PARD3: variants seen among roughly 807,000 people sequenced by gnomAD.
The protein encoded by PARD3 is partitioning defective 3 homolog.
A neutral mutation model predicts 155.4 loss-of-function variants in PARD3; 75 were observed. That is an observed-to-expected ratio of 0.48 (90% CI 0.40 to 0.58). The LOEUF (loss-of-function observed/expected upper bound fraction) is 0.58. Ranked by LOEUF, PARD3 falls within the 20% of genes least tolerant of loss-of-function variation. The probability of loss-of-function intolerance (pLI) is 0.00; values close to 1 mark genes in which losing one functional copy is unlikely to be tolerated. For synonymous variants in PARD3, 576 were observed against 610.5 expected (o/e 0.94, Z 0.83); for missense variants, 1,642 against 1,721.7 (o/e 0.95, Z 0.82).
At chr10:34,665,956 A>G (rs968060094) in intron 2 of PARD3, among the ~76,000 whole-genome samples, 3 of 151,594 alleles carry the variant, frequency 2.0e-5, no homozygotes, top group Non-Finnish European at 2.9e-5. Context: ...GTTCACACCT[A>G]TAATTCTAGC....
intron 20 of PARD3, among the ~76,000 whole-genome samples, chr10:34,296,419 C>G (rs549777796): frequency 2.3e-4 from 35 of 152,260 alleles, no homozygotes; most frequent in Non-Finnish European, 3.2e-4. Context: ...TTTGTAGAGA[C>G]AAGGTCTTGC....
chr10:34,450,326 T>C lies in PARD3; in HGVS notation c.705A>G (p.Lys235=), dbSNP rs137940178. The part of the protein sequence containing the change: ...SHPMVGKWLE[K]QEQDEDGTEE... Reference sequence around the variant, plus strand: ...GGATTTGTCATGTTACCTGTTCTTGTTTCTCCAGCCACTTGCCCACCATTG... The same window carrying C: ...GGATTTGTCATGTTACCTGTTCTTGCTTCTCCAGCCACTTGCCCACCATTG... The change falls in exon 5 of 25, where the codon AAA becomes AAG. Residue 235 remains lysine, a synonymous_variant. Coordinates refer to ENST00000374788, the MANE Select transcript of PARD3 (RefSeq NM_001184785.2). 488 of 1,613,426 alleles carry C rather than the reference T, an allele frequency of 3.0e-4. 1 individual carries two copies. The African/African-American group carries it at 4.7e-3, about 15-fold the overall frequency.
intron 3 of PARD3, among the ~76,000 whole-genome samples, chr10:34,470,712 T>C (rs1016466012): frequency 1.3e-5 from 2 of 152,218 alleles, no homozygotes; most frequent in Admixed American, 6.5e-5. Flanking sequence ...TACCCCAATA[T>C]TTCTAAATAA....
chr10:34,733,136 A>T (rs1338402485), intron 1 of PARD3, among the ~76,000 whole-genome samples: 1 of 152,192 alleles, frequency 6.6e-6, no homozygotes, highest in Admixed American at 6.5e-5. Context: ...AAGTCTCACT[A>T]CTACAATGAA....
chr10:34,382,051 A>G (rs1841917574), intron 9 of PARD3, among the ~76,000 whole-genome samples: 1 of 152,100 alleles, frequency 6.6e-6, no homozygotes, highest in South Asian at 2.1e-4. Flanking sequence ...TCAGCAACCT[A>G]CTATAAACTC....
At chr10:34,209,764 T>C (rs1195295254) in intron 22 of PARD3, among the ~76,000 whole-genome samples, 2 of 152,168 alleles carry the variant, frequency 1.3e-5, no homozygotes, top group African/African-American at 2.4e-5. Flanking sequence ...AATGAGAAAA[T>C]GCATGCAAAT....
At chr10:34,793,794 A>G (rs1017274108) in intron 1 of PARD3, among the ~76,000 whole-genome samples, 1 of 139,270 alleles carries the variant, frequency 7.2e-6, no homozygotes, top group Admixed American at 7.1e-5. Context: ...AAAAAAAAAA[A>G]TTTTACTCTG....
At chr10:34,472,745 A>C (rs950696606) in intron 3 of PARD3, among the ~76,000 whole-genome samples, 4 of 152,226 alleles carry the variant, frequency 2.6e-5, no homozygotes, top group Admixed American at 2.6e-4. Context: ...CAATATCTAT[A>C]GTAAAATAAT....
intron 2 of PARD3, among the ~76,000 whole-genome samples, chr10:34,573,725 AAACAAACAAAAACACACACACACAC>A (rs1361954607): frequency 1.8e-5 from 2 of 112,848 alleles, no homozygotes; most frequent in Non-Finnish European, 3.3e-5. Context: ...ACAAACAAAC[AAACAAACAAAAACACACACACACAC>A]ACACACACAC....
At chr10:34,733,790 G>A (rs1204203584) in intron 1 of PARD3, among the ~76,000 whole-genome samples, 3 of 152,200 alleles carry the variant, frequency 2.0e-5, no homozygotes, top group Admixed American at 6.5e-5. Flanking sequence ...GTGAGCCACC[G>A]CACCCTGCCA....
chr10:34,570,053 AAACTT>A (rs1246727585), intron 2 of PARD3, among the ~76,000 whole-genome samples: 2 of 152,228 alleles, frequency 1.3e-5, no homozygotes, highest in Admixed American at 6.5e-5. Context: ...TCAAAATAGA[AAACTT>A]AACATAGTAC....
chr10:34,208,480 G>A (rs1044624664), intron 22 of PARD3, among the ~76,000 whole-genome samples: 1 of 152,204 alleles, frequency 6.6e-6, no homozygotes, highest in African/African-American at 2.4e-5. Flanking sequence ...AGGACCACCA[G>A]GGGAATGCCA....
chr10:34,518,745 T>C (rs1233650214), intron 2 of PARD3, among the ~76,000 whole-genome samples: 2 of 152,128 alleles, frequency 1.3e-5, no homozygotes, highest in Admixed American at 6.5e-5. Context: ...ACCTCCACCA[T>C]AAAAATCGTT....
At chr10:34,706,716 G>A (rs575114229) in intron 1 of PARD3, among the ~76,000 whole-genome samples, 1 of 152,210 alleles carries the variant, frequency 6.6e-6, no homozygotes, top group African/African-American at 2.4e-5. Context: ...AGCCACGATT[G>A]TACCACTGCA....
At chr10:34,156,482 G>A (rs927883490) in intron 22 of PARD3, among the ~76,000 whole-genome samples, 2 of 152,186 alleles carry the variant, frequency 1.3e-5, no homozygotes, top group Non-Finnish European at 2.9e-5. Flanking sequence ...CTCATAAAGA[G>A]ACGGCTCATG....
intron 4 of PARD3, among the ~76,000 whole-genome samples, chr10:34,465,221 G>A (rs563674204): frequency 6.6e-6 from 1 of 152,196 alleles, no homozygotes; most frequent in South Asian, 2.1e-4. Context: ...ATCCGTGGAT[G>A]CAGAACCCAT....
At chr10:34,149,528 AT>A (rs1248303559) in intron 22 of PARD3, among the ~76,000 whole-genome samples, 1 of 152,158 alleles carries the variant, frequency 6.6e-6, no homozygotes, top group Non-Finnish European at 1.5e-5. Context: ...ATATTAAAAA[AT>A]GTTATTTGAT....
chr10:34,794,122 G>C (rs1029310091), intron 1 of PARD3, among the ~76,000 whole-genome samples: 1 of 151,976 alleles, frequency 6.6e-6, no homozygotes, highest in Non-Finnish European at 1.5e-5. Context: ...GTGGGGGTTG[G>C]GGGGACTCAT....
intron 12 of PARD3, among the ~76,000 whole-genome samples, chr10:34,371,862 G>C (rs1840702144): frequency 6.6e-6 from 1 of 152,040 alleles, no homozygotes; most frequent in Admixed American, 6.6e-5. Context: ...CACAGAGACT[G>C]ATAGAGCAAT....
Sources: gnomAD v4.1 joint callset for allele counts (sites outside exome capture counted in the v4.1 genomes callset) on GRCh38, gnomAD v4.1.1 for gene constraint, MANE v1.5 for transcripts, NCBI Gene and HGNC (gene_info 2026-07-23, HGNC 2026-07-21) for gene names.